The following EFCAB6 variants were observed in gnomAD, a reference collection of about 807,000 sequenced individuals.
EFCAB6 encodes the protein EF-hand calcium binding domain 6.
Under a neutral mutation model 169.8 loss-of-function variants are expected in EFCAB6, and 156 were observed. That is an observed-to-expected ratio of 0.92 (90% confidence interval 0.81 to 1.05). EFCAB6 has a LOEUF of 1.05. Ranked by LOEUF, EFCAB6 falls within the 50% of genes least tolerant of loss-of-function variation. The pLI, the probability that EFCAB6 is intolerant of heterozygous loss-of-function variation, is 0.00. For missense variants in EFCAB6, 1,800 were observed against 1,829.1 expected (o/e 0.98, Z 0.29); for synonymous variants, 698 against 676.4 (o/e 1.03, Z -0.50).
chr22:43,576,224 C>T, intron 26 of EFCAB6, 73 bp downstream of exon 26: 1 of 1,329,558 alleles, frequency 7.5e-7, no homozygotes, highest in Non-Finnish European at 1.0e-6. Context: ...TGGTTCTAAT[C>T]AATTATCCAT....
intron 2 of EFCAB6, among the ~76,000 whole-genome samples, chr22:43,784,589 A>ATATATACACATATATATG (rs2061974093): frequency 2.5e-5 from 1 of 40,210 alleles, no homozygotes; most frequent in African/African-American, 7.1e-5. Context: ...ACACATATAT[A>ATATATACACATATATATG]TGTATATATA....
chr22:43,597,247 A>C (rs188544705), intron 23 of EFCAB6, among the ~76,000 whole-genome samples: 2 of 152,368 alleles, frequency 1.3e-5, no homozygotes, highest in East Asian at 3.9e-4. Flanking sequence ...AAAAACAAAC[A>C]AATGGGATTA....
At chr22:43,588,391 T>C (rs1416498105) in intron 24 of EFCAB6, among the ~76,000 whole-genome samples, 3 of 152,044 alleles carry the variant, frequency 2.0e-5, no homozygotes, top group African/African-American at 7.3e-5. Context: ...AGCGCATCCA[T>C]GAAACAAGAG....
chr22:43,770,235 C>G (rs1459491578), intron 4 of EFCAB6, among the ~76,000 whole-genome samples: 1 of 152,158 alleles, frequency 6.6e-6, no homozygotes, highest in African/African-American at 2.4e-5. Flanking sequence ...CTCCTTGGCT[C>G]AAATGATGCT....
intron 20 of EFCAB6, among the ~76,000 whole-genome samples, chr22:43,626,137 C>G (rs2054503275): frequency 1.3e-5 from 2 of 152,000 alleles, no homozygotes; most frequent in Non-Finnish European, 2.9e-5. Context: ...AAAAGACACA[C>G]ACGTATATAT....
At chr22:43,533,202 G>C (rs1408189625) in intron 30 of EFCAB6, among the ~76,000 whole-genome samples, 3 of 152,344 alleles carry the variant, frequency 2.0e-5, no homozygotes, top group Non-Finnish European at 2.9e-5. Flanking sequence ...ACAATGCATG[G>C]TGGGTGTAGT....
At position 43,751,193 on chromosome 22, in the gene EFCAB6, G is replaced by T. The variant is rs5764269; in HGVS notation, c.507+4573C>A. 8.4e-4 allele frequency among the ~76,000 whole-genome samples: 128 copies of T among 152,148 alleles called. 1 individual carries two copies. Among genetic ancestry groups the T allele is most frequent in the African/African-American group, 2.4e-3 (101 of 41,530 alleles). On this transcript the variant is annotated intron_variant, in intron 6 of 31. Coordinates refer to ENST00000262726, the MANE Select transcript of EFCAB6 (RefSeq NM_022785.4). The stretch of plus-strand genomic sequence containing the variant: ...TTAATTCTAGTCTTCAGTGAAGAAC[G>T]TATTTTTTTTGTGAGGGGGAGAGTC...
chr22:43,553,145 TATGAA>T (rs1215787404), intron 27 of EFCAB6: 7 of 152,150 alleles, frequency 4.6e-5, no homozygotes, highest in Non-Finnish European at 7.3e-5. Flanking sequence ...CACGCTTCCC[TATGAA>T]TACTTCCAAG....
chr22:43,682,474 A>T (rs572260273), intron 12 of EFCAB6, among the ~76,000 whole-genome samples: 1 of 152,266 alleles, frequency 6.6e-6, no homozygotes, highest in South Asian at 2.1e-4. Context: ...TTTTTAATTA[A>T]ATTACTTCTT....
At chr22:43,741,092 G>A (rs2060352897) in intron 6 of EFCAB6, among the ~76,000 whole-genome samples, 1 of 152,156 alleles carries the variant, frequency 6.6e-6, no homozygotes, top group Non-Finnish European at 1.5e-5. Context: ...GGGCCGTGGT[G>A]TCCAAGACTT....
At position 43,712,400 on chromosome 22, in the gene EFCAB6, C is replaced by A. The variant is rs1398925460; in HGVS notation, c.883-777G>T. 3.3e-5 allele frequency among the ~76,000 whole-genome samples: 5 copies of A among 152,012 alleles called. No individual in the cohort carries two copies. The South Asian group carries it at 1.0e-3, about 32-fold the overall frequency. On this transcript the variant is annotated intron_variant, in intron 9 of 31. Transcript: ENST00000262726. ...ATCACCACAACTTGGTGTAAAAGGTCATTTTCTTAAAGAGCTCCTGGAACA... is the reference window on the plus strand; with the variant it reads ...ATCACCACAACTTGGTGTAAAAGGTAATTTTCTTAAAGAGCTCCTGGAACA...
intron 10 of EFCAB6, among the ~76,000 whole-genome samples, chr22:43,706,006 A>C (rs2058943406): frequency 6.6e-6 from 1 of 152,232 alleles, no homozygotes; most frequent in African/African-American, 2.4e-5. Flanking sequence ...ATAAAAGGAA[A>C]TGAAAGAGGA....
chr22:43,545,102 G>A (rs1380522699), intron 27 of EFCAB6, among the ~76,000 whole-genome samples: 1 of 152,170 alleles, frequency 6.6e-6, no homozygotes, highest in East Asian at 1.9e-4. Context: ...AGCCGAGATC[G>A]CACCACTGTG....
chr22:43,676,197 C>G (rs1179594784), intron 13 of EFCAB6, among the ~76,000 whole-genome samples: 5 of 151,928 alleles, frequency 3.3e-5, no homozygotes, highest in African/African-American at 1.2e-4. Flanking sequence ...GTGGGCAGAT[C>G]ACAAGGTCAG....
intron 4 of EFCAB6, 104 bp downstream of exon 4, chr22:43,772,788 C>T: frequency 8.0e-6 from 10 of 1,242,988 alleles, no homozygotes; most frequent in Non-Finnish European, 1.1e-5. Context: ...TTCAACTGCT[C>T]AGTGGCAACA....
At chr22:43,564,459 G>GAA (rs111587042) in intron 26 of EFCAB6, among the ~76,000 whole-genome samples, 200 of 139,408 alleles carry the variant, frequency 1.4e-3, no homozygotes, top group African/African-American at 3.2e-3. Context: ...GAAAAAAAAA[G>GAA]AAAAAAAAAA....
chr22:43,768,443 G>T (rs918911485), intron 4 of EFCAB6, among the ~76,000 whole-genome samples: 3 of 152,154 alleles, frequency 2.0e-5, no homozygotes, highest in African/African-American at 7.2e-5. Context: ...TACTAAAAAA[G>T]AAAGAGCATG....
intron 27 of EFCAB6, among the ~76,000 whole-genome samples, chr22:43,540,979 A>T (rs942934659): frequency 1.8e-5 from 1 of 56,512 alleles, no homozygotes; most frequent in Non-Finnish European, 4.0e-5. Context: ...AGAAAAAAAA[A>T]TGAATGACTC....
At chr22:43,667,918 A>T (rs942177300) in intron 16 of EFCAB6, among the ~76,000 whole-genome samples, 1 of 152,122 alleles carries the variant, frequency 6.6e-6, no homozygotes, top group Non-Finnish European at 1.5e-5. Context: ...TGGGGAAAAA[A>T]CAGCCCTGAG....
Sources: gnomAD v4.1 joint callset for allele counts (sites outside exome capture counted in the v4.1 genomes callset) on GRCh38, gnomAD v4.1.1 for gene constraint, MANE v1.5 for transcripts, NCBI Gene and HGNC (gene_info 2026-07-23, HGNC 2026-07-21) for gene names.